Variants in BACH2 observed in about 807,000 individuals in gnomAD.
BACH2 encodes the protein BACH transcriptional regulator 2.
BACH2 carries 5 observed loss-of-function variants against 61.8 expected under a neutral mutation model. That is an observed-to-expected ratio of 0.08 (90% CI 0.04 to 0.17). The LOEUF (loss-of-function observed/expected upper bound fraction) is 0.17. BACH2 is among the 10% of genes least tolerant of loss of function. The pLI is 1.00. For missense variants in BACH2, 824 were observed against 1,091.1 expected, an observed-to-expected ratio of 0.76 and a Z score of 3.45; for synonymous variants, 446 against 440.1, an observed-to-expected ratio of 1.01 and a Z score of -0.17.
chr6:89,978,269 C>T (rs1775762847), intron 6 of BACH2, among the ~76,000 whole-genome samples: 2 of 152,058 alleles, frequency 1.3e-5, no homozygotes, highest in South Asian at 2.1e-4. Flanking sequence ...TATTCCTCTG[C>T]GTCTGGAAAA....
chr6:90,099,524 G>A (rs1228722960), intron 4 of BACH2, among the ~76,000 whole-genome samples: 3 of 152,178 alleles, frequency 2.0e-5, no homozygotes, highest in Non-Finnish European at 2.9e-5. Flanking sequence ...GACTACAGGT[G>A]TGTGCCCTTA....
intron 1 of BACH2, 103 bp downstream of exon 1, chr6:90,296,377 T>C (rs1772389759): frequency 2.7e-5 from 4 of 149,904 alleles, no homozygotes; most frequent in East Asian, 4.1e-4. Flanking sequence ...CCCGCGCCGT[T>C]TCCCCACGCC....
chr6:90,284,244 T>C (rs1038059335), intron 1 of BACH2, among the ~76,000 whole-genome samples: 2 of 152,134 alleles, frequency 1.3e-5, no homozygotes, highest in Non-Finnish European at 2.9e-5. Context: ...TGTCCCCATA[T>C]GTAGACATAC....
chr6:90,195,295 C>A (rs564891461), intron 4 of BACH2, among the ~76,000 whole-genome samples: 1 of 152,126 alleles, frequency 6.6e-6, no homozygotes, highest in African/African-American at 2.4e-5. Flanking sequence ...TGACATTACA[C>A]CAAGAAGCAG....
intron 8 of BACH2, among the ~76,000 whole-genome samples, chr6:89,937,473 C>A (rs921447597): frequency 3.3e-5 from 5 of 152,272 alleles, no homozygotes; most frequent in Non-Finnish European, 5.9e-5. Flanking sequence ...TGGGATCATC[C>A]ATAAAAACAG....
chr6:90,179,081 T>C (rs942842633), intron 4 of BACH2, among the ~76,000 whole-genome samples: 1 of 152,196 alleles, frequency 6.6e-6, no homozygotes, highest in African/African-American at 2.4e-5. Context: ...CGAATCACAT[T>C]GCCAGTAAGT....
chr6:90,029,552 C>T (rs1252789840), intron 5 of BACH2, among the ~76,000 whole-genome samples: 3 of 152,168 alleles, frequency 2.0e-5, no homozygotes, highest in African/African-American at 7.2e-5. Context: ...CTATATTTTA[C>T]TCATATTTTG....
chr6:89,989,259 T>A (rs1025233372), intron 6 of BACH2, among the ~76,000 whole-genome samples: 7 of 152,206 alleles, frequency 4.6e-5, no homozygotes, highest in Non-Finnish European at 7.3e-5. Context: ...AACCTTTTCA[T>A]CTTGGAAATC....
chr6:89,949,672 A>G (rs954459968), intron 7 of BACH2, among the ~76,000 whole-genome samples: 1 of 152,128 alleles, frequency 6.6e-6, no homozygotes, highest in Admixed American at 6.5e-5. Flanking sequence ...GATCCATTAT[A>G]CATTATGTGT....
intron 5 of BACH2, among the ~76,000 whole-genome samples, chr6:90,029,381 C>G (rs1159886927): frequency 1.3e-5 from 2 of 152,142 alleles, no homozygotes; most frequent in African/African-American, 4.8e-5. Flanking sequence ...TGTGATGGCT[C>G]AATCCCTGGC....
At chr6:90,172,693 C>T (rs978711138) in intron 4 of BACH2, among the ~76,000 whole-genome samples, 4 of 152,014 alleles carry the variant, frequency 2.6e-5, no homozygotes, top group Non-Finnish European at 4.4e-5. Context: ...TATTTTCAAT[C>T]AAACAAAAAA....
At chr6:90,041,162 G>A (rs1779514613) in intron 5 of BACH2, among the ~76,000 whole-genome samples, 1 of 152,138 alleles carries the variant, frequency 6.6e-6, no homozygotes, top group African/African-American at 2.4e-5. Flanking sequence ...GGCTTCTGGT[G>A]TTTCCCTATT....
intron 4 of BACH2, among the ~76,000 whole-genome samples, chr6:90,164,162 G>A (rs1767517008): frequency 6.6e-6 from 1 of 152,036 alleles, no homozygotes; most frequent in South Asian, 2.1e-4. Context: ...TTGATAGACT[G>A]CTAGCAAGAC....
intron 7 of BACH2, among the ~76,000 whole-genome samples, chr6:89,941,675 T>C (rs1773439421): frequency 6.6e-6 from 1 of 152,236 alleles, no homozygotes; most frequent in Non-Finnish European, 1.5e-5. Context: ...CAGAGGTCTG[T>C]CTGTTGGAGA....
At position 89,979,893 on chromosome 6, in the gene BACH2, C is replaced by G. The variant is rs142131757; in HGVS notation, c.244-28031G>C. Among the ~76,000 whole-genome samples the G allele has an allele frequency of 3.4e-3, 516 of 152,278 alleles. 6 individuals carry two copies. Among genetic ancestry groups the G allele is most frequent in the Admixed American group, 7.8e-3 (119 of 15,296 alleles). ...AGACACTGGGCTACCGAAAATGTAA[C>G]CTGCATTTGCATGAACCAAATGCAT... On this transcript the variant is annotated intron_variant, in intron 6 of 8. Transcript: ENST00000257749.
intron 4 of BACH2, among the ~76,000 whole-genome samples, chr6:90,165,933 T>C (rs1767596187): frequency 1.3e-5 from 2 of 152,304 alleles, no homozygotes; most frequent in African/African-American, 4.8e-5. Context: ...ACTTAAAATG[T>C]TAGACCTAAA....
chr6:90,197,061 C>T (rs181139487), intron 4 of BACH2, among the ~76,000 whole-genome samples: 138 of 152,186 alleles, frequency 9.1e-4, no homozygotes, highest in Non-Finnish European at 1.7e-3. Flanking sequence ...TTTTATCACA[C>T]AGTATGAAGT....
chr6:90,112,438 C>T (rs779293511), intron 4 of BACH2, among the ~76,000 whole-genome samples: 10 of 152,102 alleles, frequency 6.6e-5, no homozygotes, highest in Non-Finnish European at 1.0e-4. Context: ...AAGAGATTCA[C>T]GGCCTATATT....
At position 89,932,134 on chromosome 6, in the gene BACH2, T is replaced by C; in HGVS notation, c.*274A>G. ...TGGGGCCTAGAGGTGTTGTAGTCTA[T>C]CCCTGTGAAGACTGAAATTGAGCCA... On this transcript the variant is annotated 3_prime_UTR_variant, in exon 9 of 9. Coordinates refer to ENST00000257749, the MANE Select transcript of BACH2 (RefSeq NM_021813.4). 2.8e-6 allele frequency: 1 copy of C among 362,472 alleles called. No individual in the cohort carries two copies. The highest frequency in any genetic ancestry group is 5.1e-6 in the Non-Finnish European group (1 of 197,286). 22.5% of individuals were successfully genotyped at this position (362,472 alleles called of 1,614,324 possible). A position where few individuals can be genotyped will look rare whatever the true frequency, so the allele number is the denominator to read the frequency against.
Sources: allele counts gnomAD v4.1 joint callset (sites outside exome capture counted in the v4.1 genomes callset), GRCh38; gene constraint gnomAD v4.1.1; transcripts MANE v1.5; gene names NCBI Gene and HGNC (gene_info 2026-07-23, HGNC 2026-07-21).